The following ARGFX variants were observed in gnomAD, a reference collection of about 807,000 sequenced individuals.
ARGFX encodes arginine-fifty homeobox.
A neutral mutation model predicts 8.0 loss-of-function variants in ARGFX; 10 were observed. That is an observed-to-expected ratio of 1.25 (90% CI 0.77 to 2.12). The LOEUF (loss-of-function observed/expected upper bound fraction) is 2.12, where lower values mean the gene tolerates loss of function less well. ARGFX is among the 30% of genes most tolerant of loss of function. ARGFX has a pLI of 0.00. For missense variants in ARGFX, 282 were observed against 324.3 expected, an observed-to-expected ratio of 0.87 and a Z score of 1.00; for synonymous variants, 116 against 117.8, an observed-to-expected ratio of 0.98 and a Z score of 0.10.
chr3:121,579,103 C>A (rs1158375284), intron 3 of ARGFX, among the ~76,000 whole-genome samples: 1 of 152,118 alleles, frequency 6.6e-6, no homozygotes, highest in African/African-American at 2.4e-5. Context: ...AGAAATAGAT[C>A]AAAGTTTTCA....
chr3:121,586,235 T>G lies in ARGFX; in HGVS notation c.583T>G (p.Phe195Val). 1.2e-6 allele frequency: 2 copies of G among 1,614,088 alleles called. No individual in the cohort carries two copies. The highest frequency in any genetic ancestry group is 2.2e-5 in the South Asian group (2 of 91,070). Residue 195 changes from phenylalanine to valine, a missense_variant, in exon 5 of 5, where the codon TTC becomes GTC. Phe to Val is a conservative substitution (Grantham distance 50). Coordinates refer to ENST00000334384, the MANE Select transcript of ARGFX (RefSeq NM_001012659.2). The stretch of plus-strand genomic sequence containing the variant: ...TTCCAATTGGGCATGGAACTCTACC[T>G]TCACTGAGAGTTCTACCAGTGACTT... The part of the protein sequence containing the change: ...DPSNWAWNST[F>V]TESSTSDFQM...
chr3:121,580,504 C>T (rs1231559619), intron 3 of ARGFX, among the ~76,000 whole-genome samples: 1 of 150,288 alleles, frequency 6.7e-6, no homozygotes, highest in Non-Finnish European at 1.5e-5. Context: ...GCAATAGGTT[C>T]TCATAATTTT....
chr3:121,590,102 T>C lies in ARGFX; in HGVS notation c.*3502T>C, dbSNP rs1476065116. 6.6e-6 allele frequency among the ~76,000 whole-genome samples: 1 copy of C among 152,128 alleles called. No individual in the cohort carries two copies. Among genetic ancestry groups the C allele is most frequent in the Non-Finnish European group, 1.5e-5 (1 of 68,030 alleles). ...AAAGTCAAGATTTTATTACCAAACTTATAGAAATAAAAATTATTAGAAAGA... is the reference window on the plus strand; with the variant it reads ...AAAGTCAAGATTTTATTACCAAACTCATAGAAATAAAAATTATTAGAAAGA... On this transcript the variant is annotated 3_prime_UTR_variant, in exon 5 of 5. Coordinates refer to ENST00000334384, the MANE Select transcript of ARGFX (RefSeq NM_001012659.2).
intron 2 of ARGFX, among the ~76,000 whole-genome samples, chr3:121,571,819 A>G (rs485275): frequency 0.79 from 115,202 of 146,360 alleles, 45,218 homozygotes; most frequent in Admixed American, 0.84. Context: ...CCTGACCTTT[A>G]GGGTTTTGTT....
chr3:121,577,754 T>A (rs1332130945), intron 3 of ARGFX, among the ~76,000 whole-genome samples: 1 of 152,180 alleles, frequency 6.6e-6, no homozygotes, highest in African/African-American at 2.4e-5. Context: ...TACATTCATG[T>A]AATAAATTTA....
intron 2 of ARGFX, among the ~76,000 whole-genome samples, chr3:121,573,599 TA>T (rs542949734): frequency 6.7e-5 from 10 of 148,600 alleles, no homozygotes; most frequent in African/African-American, 1.2e-4. Context: ...TCAACAACAA[TA>T]AAAAAAATCC....
intron 4 of ARGFX, 86 bp downstream of exon 4, chr3:121,585,151 C>T: frequency 7.0e-7 from 1 of 1,418,970 alleles, no homozygotes; most frequent in Non-Finnish European, 9.6e-7. Flanking sequence ...TCTACCCCTG[C>T]CCCACAATAA....
intron 3 of ARGFX, among the ~76,000 whole-genome samples, chr3:121,583,962 C>T (rs1042155735): frequency 1.3e-5 from 2 of 152,014 alleles, no homozygotes; most frequent in African/African-American, 4.8e-5. Context: ...ATCACTTGAG[C>T]CCAGGAGTTC....
chr3:121,583,617 T>A (rs1262554680), intron 3 of ARGFX, among the ~76,000 whole-genome samples: 3 of 151,518 alleles, frequency 2.0e-5, no homozygotes, highest in Admixed American at 1.3e-4. Flanking sequence ...AGCCTCAACC[T>A]CCTGGCTCAA....
At position 121,589,964 on chromosome 3, in the gene ARGFX, GA is replaced by G. The variant is rs1214118024; in HGVS notation, c.*3372del. ...AAATAGAGAATAGAAAAGCAATACAGAAAAAAAATTATGAAATCAAAAGCTG... is the reference window on the plus strand; with the variant it reads ...AAATAGAGAATAGAAAAGCAATACAGAAAAAAATTATGAAATCAAAAGCTG... On this transcript the variant is annotated 3_prime_UTR_variant, in exon 5 of 5. Coordinates refer to ENST00000334384, the MANE Select transcript of ARGFX (RefSeq NM_001012659.2). Among the ~76,000 whole-genome samples the G allele has an allele frequency of 1.3e-5, 2 of 151,734 alleles. No individual in the cohort carries two copies. The highest frequency in any genetic ancestry group is 2.4e-5 in the African/African-American group (1 of 41,420).
At chr3:121,571,975 T>G (rs1362545137) in intron 2 of ARGFX, among the ~76,000 whole-genome samples, 5 of 149,276 alleles carry the variant, frequency 3.3e-5, no homozygotes, top group Admixed American at 3.3e-4. Flanking sequence ...ATTACAGGCA[T>G]GTGGCACCAT....
intron 2 of ARGFX, among the ~76,000 whole-genome samples, chr3:121,572,304 C>T (rs1223765707): frequency 2.7e-5 from 4 of 146,102 alleles, no homozygotes; most frequent in Non-Finnish European, 4.5e-5. Flanking sequence ...TGCAATGGAG[C>T]GATCTCGGAT....
intron 1 of ARGFX, among the ~76,000 whole-genome samples, chr3:121,568,981 T>A (rs2048690540): frequency 6.6e-6 from 1 of 152,232 alleles, no homozygotes; most frequent in Non-Finnish European, 1.5e-5. Flanking sequence ...CTATAGGATA[T>A]ACCTAGATAT....
rs778427972 is a variant in ARGFX at position 121,585,012 on chromosome 3, A to C, written c.316A>C (p.Asn106His). Residue 106 changes from asparagine to histidine, a missense_variant, in exon 4 of 5, where the codon AAT becomes CAT. Transcript: ENST00000334384. ...TAGCCAGACCATGTTCCCAGATAGA[A>C]ATCTTCAGGAGAAACTAGCTTTGAG... ...LFSQTMFPDR[N>H]LQEKLALRLD... 1.5e-5 allele frequency: 24 copies of C among 1,613,882 alleles called. No individual in the cohort carries two copies. The highest frequency in any genetic ancestry group is 1.7e-5 in the Non-Finnish European group (20 of 1,180,008).
intron 3 of ARGFX, among the ~76,000 whole-genome samples, chr3:121,578,332 C>T (rs1480046981): frequency 1.3e-5 from 2 of 151,752 alleles, no homozygotes; most frequent in South Asian, 2.1e-4. Flanking sequence ...TCTCCATGTT[C>T]GTCAGGCTGA....
intron 3 of ARGFX, among the ~76,000 whole-genome samples, chr3:121,583,865 C>T (rs149283192): frequency 1.0e-3 from 157 of 152,020 alleles, no homozygotes; most frequent in Non-Finnish European, 1.9e-3. Flanking sequence ...TGAATAGAGC[C>T]TCAGAAATCC....
At chr3:121,568,401 G>A (rs934745556) in intron 1 of ARGFX, among the ~76,000 whole-genome samples, 27 of 152,214 alleles carry the variant, frequency 1.8e-4, no homozygotes, top group African/African-American at 5.8e-4. Context: ...TAGGAAGAAG[G>A]CAATAAAAAA....
Position 121,587,953 on chromosome 3 carries a change from A to G in ARGFX, c.*1353A>G, listed in dbSNP as rs1203373815. Among the ~76,000 whole-genome samples the G allele has an allele frequency of 2.3e-5, 3 of 130,796 alleles. No individual in the cohort carries two copies. The highest frequency in any genetic ancestry group is 8.8e-5 in the African/African-American group (3 of 33,962). The allele number at this position is 130,796 out of a possible 152,430, so 85.8% of individuals were successfully genotyped here. On this transcript the variant is annotated 3_prime_UTR_variant, in exon 5 of 5. Transcript: ENST00000334384. ...GTCACCACTAGTTTTAATATAGTAC[A>G]ATGAAAAAATAATATATATATATAT... is the stretch of plus-strand genomic sequence containing the variant.
chr3:121,575,801 T>TA (rs1426393777), intron 2 of ARGFX, among the ~76,000 whole-genome samples: 1 of 152,050 alleles, frequency 6.6e-6, no homozygotes, highest in Non-Finnish European at 1.5e-5. Flanking sequence ...TAGTCTCAGC[T>TA]ACTTGGGAGG....
Sources: allele counts gnomAD v4.1 joint callset (sites outside exome capture counted in the v4.1 genomes callset), GRCh38; gene constraint gnomAD v4.1.1; transcripts MANE v1.5; gene names NCBI Gene and HGNC (gene_info 2026-07-23, HGNC 2026-07-21).